Variants in CIC observed in about 807,000 individuals in gnomAD.
CIC encodes the protein capicua transcriptional repressor.
In CIC, 18 loss-of-function variants were observed where a neutral mutation model predicts 115.7. The ratio of observed to expected loss-of-function variants is 0.16; its 90% CI spans 0.11 to 0.23. The LOEUF (loss-of-function observed/expected upper bound fraction) is 0.23. Ranked by LOEUF, CIC falls within the 10% of genes least tolerant of loss-of-function variation. The pLI is 1.00. For synonymous variants in CIC, 1,076 were observed against 923.0 expected, an observed-to-expected ratio of 1.17 and a Z score of -3.01; for missense variants, 2,000 against 2,159.3, an observed-to-expected ratio of 0.93 and a Z score of 1.46.
chr19:42,275,221 C>CT lies in CIC; in HGVS notation c.2794+645dup, dbSNP rs544825809. Among the ~76,000 whole-genome samples the CT allele has an allele frequency of 1.9e-4, 29 of 152,334 alleles. No homozygotes were observed. The East Asian group carries it at 5.0e-3, about 26-fold the overall frequency. On this transcript the variant is annotated intron_variant, in intron 2 of 20. Coordinates refer to ENST00000681038, the MANE Select transcript of CIC (RefSeq NM_001386298.1). ...GATTACAGATGGGCAGATGGAGGCT[C>CT]TAACAGGTCCTTCCCAGGAGGTGGC... is the stretch of plus-strand genomic sequence containing the variant.
Position 42,286,751 on chromosome 19 carries a change from C to A in CIC, c.2795-20C>A. On this transcript the variant is annotated intron_variant, in intron 2 of 20. Transcript: ENST00000681038. ...GGCCAGGCTCTCCTGCTGCACAGCT[C>A]ACCTGGCTCCTTTCCACAGTGTGGA... 6.2e-7 allele frequency: 1 copy of A among 1,613,836 alleles called. No individual in the cohort carries two copies. Among genetic ancestry groups the A allele is most frequent in the South Asian group, 1.1e-5 (1 of 91,080 alleles).
intron 20 of CIC, 32 bp downstream of exon 20, chr19:42,294,767 G>T: frequency 1.2e-6 from 2 of 1,611,042 alleles, no homozygotes; most frequent in South Asian, 1.1e-5. Context: ...GGGGTCACTC[G>T]GGTGGGACTT....
At chr19:42,285,980 TG>T (rs1347817010) in intron 2 of CIC, among the ~76,000 whole-genome samples, 2 of 152,324 alleles carry the variant, frequency 1.3e-5, no homozygotes, top group East Asian at 3.9e-4. Flanking sequence ...CCATTGTCCG[TG>T]GTTTTTCTTC....
chr19:42,290,129 G>T (rs943010991), intron 10 of CIC, 104 bp from the exon 11 acceptor site: 1 of 1,549,540 alleles, frequency 6.5e-7, no homozygotes, highest in Admixed American at 1.7e-5. Flanking sequence ...CAGGGGTGCA[G>T]CCCTAGGCTG....
rs2038058660 is a variant in CIC at position 42,291,055 on chromosome 19, C to T, written c.5014C>T (p.Leu1672=). 6.2e-7 allele frequency: 1 copy of T among 1,613,974 alleles called. No homozygotes were observed. Among genetic ancestry groups the T allele is most frequent in the East Asian group, 2.2e-5 (1 of 44,884 alleles). ...VGKAPATVTN[L]LVGTPGYGAP... is the part of the protein sequence containing the mutation. ...GAAGGCGCCTGCCACTGTCACTAAC[C>T]TACTGGTGGGCACCCCGGGGTATGG... Residue 1672 remains leucine, a synonymous_variant, in exon 11 of 21, where the codon CTA becomes TTA. Coordinates refer to ENST00000681038, the MANE Select transcript of CIC (RefSeq NM_001386298.1).
chr19:42,279,703 TAA>T (rs1030941179), intron 2 of CIC, among the ~76,000 whole-genome samples: 17 of 152,054 alleles, frequency 1.1e-4, no homozygotes, highest in Admixed American at 6.5e-4. Flanking sequence ...CGCGGGCCAG[TAA>T]AGAGTCAAGA....
chr19:42,277,845 C>T lies in CIC; in HGVS notation c.2794+3268C>T, dbSNP rs541321962. On this transcript the variant is annotated intron_variant, in intron 2 of 20. Transcript: ENST00000681038. The stretch of plus-strand genomic sequence containing the variant: ...CTAACAACACCCATGCTGAGGTATC[C>T]AGGCTGCCTTCAGGTTCCTGAACAG... Among the ~76,000 whole-genome samples, 29 of 152,222 alleles carry T rather than the reference C, an allele frequency of 1.9e-4. 1 individual carries two copies. Among genetic ancestry groups the T allele is most frequent in the Non-Finnish European group, 3.8e-4 (26 of 68,020 alleles).
At chr19:42,276,385 G>A (rs1599856776) in intron 2 of CIC, among the ~76,000 whole-genome samples, 1 of 152,284 alleles carries the variant, frequency 6.6e-6, no homozygotes, top group East Asian at 1.9e-4. Flanking sequence ...CACCATAGAG[G>A]GTGTGTTTGA....
intron 2 of CIC, among the ~76,000 whole-genome samples, chr19:42,283,784 A>G (rs985820615): frequency 5.3e-5 from 8 of 151,770 alleles, no homozygotes; most frequent in African/African-American, 1.7e-4. Context: ...CGGTGCCTTT[A>G]CTGCAGTGCG....
chr19:42,295,282 GC>G lies in CIC; in HGVS notation c.*93del, dbSNP rs1472396628. On this transcript the variant is annotated 3_prime_UTR_variant, in exon 21 of 21. Transcript: ENST00000681038. ...GGAAGGTTATCTCCTCCCGGGTAAA[GC>G]CATTTCGTCCTCTCCAGTTTGGGGC... The G allele has an allele frequency of 1.3e-5, 15 of 1,197,648 alleles. No individual in the cohort carries two copies. The African/African-American group carries it at 1.5e-4, about 12-fold the overall frequency. The allele number at this position is 1,197,648 out of a possible 1,614,324, so 74.2% of individuals were successfully genotyped here.
Position 42,290,843 on chromosome 19 carries a change from C to A in CIC, c.4802C>A (p.Pro1601His). The A allele has an allele frequency of 6.2e-7, 1 of 1,610,340 alleles. No homozygotes were observed. Among genetic ancestry groups the A allele is most frequent in the Non-Finnish European group, 8.5e-7 (1 of 1,178,624 alleles). ...GTGCCCATCGCCTCTAAGCCCTTCC[C>A]CACCTCTGGCCGGGCTGAGGCGTCT... ...TPVPIASKPF[P>H]TSGRAEASPN... is the part of the protein sequence containing the mutation. The change falls in exon 11 of 21, where the codon CCC (proline) becomes CAC (histidine). Residue 1601 changes from proline (P) to histidine (H), a missense_variant. Transcript: ENST00000681038.
At chr19:42,293,484 C>G in intron 16 of CIC, 108 bp from the exon 17 acceptor site, 1 of 1,571,394 alleles carries the variant, frequency 6.4e-7, no homozygotes, top group Non-Finnish European at 8.7e-7. Flanking sequence ...GTGTGACAGC[C>G]TTCTCAAGGG....
chr19:42,288,764 C>G (rs766856953), intron 7 of CIC, 124 bp from the exon 8 acceptor site: 1 of 851,952 alleles, frequency 1.2e-6, no homozygotes, highest in East Asian at 2.6e-5. Context: ...TTTTTTTCAC[C>G]AAGTGGCCCA....
rs1599851265 is a variant in CIC at position 42,273,979 on chromosome 19, T to A, written c.2196T>A (p.Gly732=). The A allele has an allele frequency of 1.3e-5, 5 of 398,252 alleles. No homozygotes were observed. The highest frequency in any genetic ancestry group is 2.2e-5 in the Non-Finnish European group (5 of 226,176). The allele number at this position is 398,252 out of a possible 1,614,324, so 24.7% of individuals were successfully genotyped here. The change falls in exon 2 of 21, where the codon GGT becomes GGA. Residue 732 remains glycine (G), a synonymous_variant. Transcript: ENST00000681038. ...PGALGAPGAG[G]GGAAPDFPKS... Reference sequence around the variant, plus strand: ...CCTTGGGGGCCCCTGGCGCAGGGGGTGGAGGAGCCGCCCCAGACTTTCCCA... The same window carrying A: ...CCTTGGGGGCCCCTGGCGCAGGGGGAGGAGGAGCCGCCCCAGACTTTCCCA...
rs374783550 is a variant in CIC at position 42,290,556 on chromosome 19, C to T, written c.4515C>T (p.Ala1505=). The change falls in exon 11 of 21, where the codon GCC becomes GCT. Residue 1505 remains alanine, a synonymous_variant. Transcript: ENST00000681038. The part of the protein sequence containing the change: ...KATRFLPMDP[A]TFRRKRPESV... ...CCCGGTTCCTCCCAATGGATCCTGC[C>T]ACCTTCCGGCGCAAGAGACCCGAAA... 10 of 1,613,514 alleles carry T rather than the reference C, an allele frequency of 6.2e-6. No homozygotes were observed. In the African/African-American group the frequency reaches 9.3e-5, roughly 15 times the overall value.
Position 42,280,443 on chromosome 19 carries a change from C to T in CIC, c.2794+5866C>T, listed in dbSNP as rs2037178017. Among the ~76,000 whole-genome samples, 1 of 152,136 alleles carries T rather than the reference C, an allele frequency of 6.6e-6. No individual in the cohort carries two copies. The highest frequency in any genetic ancestry group is 2.1e-4 in the South Asian group (1 of 4,832). On this transcript the variant is annotated intron_variant, in intron 2 of 20. Coordinates refer to ENST00000681038, the MANE Select transcript of CIC (RefSeq NM_001386298.1). This position sits in a 1 kb window ranked among gnomAD's most constrained non-coding sequence, Gnocchi z 4.9. Reference sequence around the variant, plus strand: ...ACCTAGGGGTGTGGGTTCCCGCGCGCCCCTGGGTGCAGACCTCCTGTGTCG... The same window carrying T: ...ACCTAGGGGTGTGGGTTCCCGCGCGTCCCTGGGTGCAGACCTCCTGTGTCG...
At chr19:42,288,763 C>A in intron 7 of CIC, 125 bp from the exon 8 acceptor site, 2 of 839,112 alleles carry the variant, frequency 2.4e-6, no homozygotes, top group Admixed American at 2.0e-5. Flanking sequence ...TTTTTTTTCA[C>A]CAAGTGGCCC....
chr19:42,287,286 C>T lies in CIC; in HGVS notation c.3180-34C>T, dbSNP rs2147187023. ...GACTTGGGGGTGGGATGGCCAGAGA[C>T]ATGGCCCTCACTGTCCCTGCTGCCC... On this transcript the variant is annotated intron_variant, in intron 4 of 20. Transcript: ENST00000681038. The surrounding 1 kb of genome is among the most constrained non-coding windows in gnomAD (Gnocchi z 8.7). 1 of 1,614,052 alleles carries T rather than the reference C, an allele frequency of 6.2e-7. No homozygotes were observed. Among genetic ancestry groups the T allele is most frequent in the Non-Finnish European group, 8.5e-7 (1 of 1,179,998 alleles).
rs28469564 is a variant in CIC, at chr19:42,287,310, C to T, written c.3180-10C>T. 5,485 of 1,613,976 alleles carry T rather than the reference C, an allele frequency of 3.4e-3. 128 individuals carry two copies. The African/African-American group carries it at 0.056, about 16-fold the overall frequency. ...ACATGGCCCTCACTGTCCCTGCTGC[C>T]CCGCCGCAGCTTCCTCTCCATCATG... On this transcript the variant is annotated splice_polypyrimidine_tract_variant and intron_variant, in intron 4 of 20. Transcript: ENST00000681038. The surrounding 1 kb of genome is among the most constrained non-coding windows in gnomAD (Gnocchi z 8.7).
Sources: allele counts gnomAD v4.1 joint callset (sites outside exome capture counted in the v4.1 genomes callset), GRCh38; gene constraint gnomAD v4.1.1; non-coding constraint Gnocchi (gnomAD v3.1); transcripts MANE v1.5; gene names NCBI Gene and HGNC (gene_info 2026-07-23, HGNC 2026-07-21).